TRPC5: variants seen among roughly 807,000 people sequenced by gnomAD.
The protein encoded by TRPC5 is transient receptor potential cation channel subfamily C member 5, also known as short transient receptor potential channel 5.
TRPC5 carries 9 observed loss-of-function variants against 56.5 expected under a neutral mutation model. That is an observed-to-expected ratio of 0.16 (90% CI 0.10 to 0.28). TRPC5 has a LOEUF of 0.28. Among genes scored for constraint, TRPC5 ranks in the 10% least tolerant of loss-of-function variants. TRPC5 has a pLI of 1.00. For synonymous variants in TRPC5, 282 were observed against 278.5 expected, an observed-to-expected ratio of 1.01 and a Z score of -0.13; for missense variants, 469 against 748.9, an observed-to-expected ratio of 0.63 and a Z score of 4.36.
chrX:111,851,878 G>C (rs1923094761), intron 5 of TRPC5, among the ~76,000 whole-genome samples: 1 of 111,714 alleles, frequency 9.0e-6, no homozygotes, highest in South Asian at 3.8e-4. Context: ...GTCACAGAGA[G>C]AATAATATTA....
At chrX:111,912,919 G>T in intron 2 of TRPC5, 107 bp from the exon 3 acceptor site, 2 of 894,093 alleles carry the variant, frequency 2.2e-6, no homozygotes, top group Non-Finnish European at 3.1e-6. Flanking sequence ...CTCCATTCTT[G>T]TTTCAATTCT....
intron 10 of TRPC5, among the ~76,000 whole-genome samples, 172 bp downstream of exon 10, chrX:111,778,813 G>A (rs1945898505): frequency 1.8e-5 from 2 of 111,535 alleles, no homozygotes; most frequent in African/African-American, 6.5e-5. Context: ...ACATACATTG[G>A]TAAAATCTCT....
In TRPC5 at chrX:111,776,261, A is replaced by G; in HGVS notation, c.*52T>C. 9.2e-7 allele frequency: 1 copy of G among 1,083,225 alleles called. No individual in the cohort carries two copies. The highest frequency in any genetic ancestry group is 1.2e-6 in the Non-Finnish European group (1 of 822,092). 89.3% of individuals were successfully genotyped at this position (1,083,225 alleles called of 1,213,427 possible). A position where few individuals can be genotyped will look rare whatever the true frequency, so the allele number is the denominator to read the frequency against. On this transcript the variant is annotated 3_prime_UTR_variant, in exon 11 of 11. Coordinates refer to ENST00000262839, the MANE Select transcript of TRPC5 (RefSeq NM_012471.3). Reference sequence around the variant, plus strand: ...CATATTCTGTGTCACCTCTGAGAGCAAGGAAATTACAGATTTCTGTTGAGT... The same window carrying G: ...CATATTCTGTGTCACCTCTGAGAGCGAGGAAATTACAGATTTCTGTTGAGT...
chrX:111,908,287 A>G (rs994725032), intron 3 of TRPC5, among the ~76,000 whole-genome samples: 1 of 111,640 alleles, frequency 9.0e-6, no homozygotes, highest in Non-Finnish European at 1.9e-5. Flanking sequence ...ATGCCTTTGG[A>G]GTGTAAACTT....
intron 1 of TRPC5, among the ~76,000 whole-genome samples, chrX:112,035,612 GTA>G (rs1247385423): frequency 9.1e-6 from 1 of 109,480 alleles, no homozygotes; most frequent in Non-Finnish European, 1.9e-5. Context: ...TATCTTATGT[GTA>G]TATGTTATTT....
At chrX:111,788,406 A>G (rs1017754657) in intron 7 of TRPC5, among the ~76,000 whole-genome samples, 15 of 111,911 alleles carry the variant, frequency 1.3e-4, no homozygotes, top group African/African-American at 4.9e-4. Flanking sequence ...TATTGATGGA[A>G]TGTATCTCAA....
At chrX:111,777,166 T>G (rs1907286294) in intron 10 of TRPC5, among the ~76,000 whole-genome samples, 164 bp from the exon 11 acceptor site, 2 of 111,723 alleles carry the variant, frequency 1.8e-5, no homozygotes, top group African/African-American at 6.5e-5. Context: ...TATTAATAAT[T>G]CCATGGGCAG....
intron 1 of TRPC5, among the ~76,000 whole-genome samples, chrX:112,034,605 T>G (rs1197241096): frequency 9.1e-6 from 1 of 110,266 alleles, no homozygotes; most frequent in Non-Finnish European, 1.9e-5. Flanking sequence ...TTTTTTTTTT[T>G]ATGTTGAACC....
rs186020263 is a variant in TRPC5, at chrX:111,882,339, A to C, written c.901-28233T>G. 2.6e-4 allele frequency among the ~76,000 whole-genome samples: 29 copies of C among 112,334 alleles called. 1 individual carries two copies. The highest frequency in any genetic ancestry group is 1.7e-3 in the Admixed American group (18 of 10,646). On this transcript the variant is annotated intron_variant, in intron 3 of 10. Transcript: ENST00000262839. ...CTACAAGCAGTCTGTTTCCTGTTGCAGTATGGTAAGGTAGGGGTCTTGTCT... is the reference window on the plus strand; with the variant it reads ...CTACAAGCAGTCTGTTTCCTGTTGCCGTATGGTAAGGTAGGGGTCTTGTCT...
chrX:111,929,788 G>A (rs187138388), intron 2 of TRPC5, among the ~76,000 whole-genome samples: 13 of 112,468 alleles, frequency 1.2e-4, no homozygotes, highest in African/African-American at 3.9e-4. Flanking sequence ...GTGATAAGAC[G>A]TTAAGCTATA....
chrX:111,809,668 G>A (rs1490799973), intron 7 of TRPC5, among the ~76,000 whole-genome samples: 2 of 110,949 alleles, frequency 1.8e-5, no homozygotes, highest in Non-Finnish European at 3.8e-5. Flanking sequence ...TTTTATGAAG[G>A]TGCTTTACGG....
rs1329787738 is a variant in TRPC5, at chrX:111,774,573, A to G, written c.*1740T>C. 9.0e-6 allele frequency: 1 copy of G among 110,994 alleles called. No individual in the cohort carries two copies. The highest frequency in any genetic ancestry group is 1.9e-5 in the Non-Finnish European group (1 of 52,961). The allele number at this position is 110,994 out of a possible 1,213,427, so 9.1% of individuals were successfully genotyped here. The stretch of plus-strand genomic sequence containing the variant: ...GGTCTTGATGCAGCTTTTTCACTTG[A>G]TCACTTTTTCCTGGATATGAGGCTT... On this transcript the variant is annotated 3_prime_UTR_variant, in exon 11 of 11. Coordinates refer to ENST00000262839, the MANE Select transcript of TRPC5 (RefSeq NM_012471.3).
chrX:111,962,882 C>T (rs137954820), intron 1 of TRPC5, among the ~76,000 whole-genome samples: 21 of 112,090 alleles, frequency 1.9e-4, no homozygotes, highest in African/African-American at 6.8e-4. Flanking sequence ...CTCCAGTCTA[C>T]AGCTCCCAAT....
At chrX:112,026,380 T>C (rs1169312913) in intron 1 of TRPC5, among the ~76,000 whole-genome samples, 4 of 112,698 alleles carry the variant, frequency 3.5e-5, no homozygotes, top group African/African-American at 1.3e-4. Flanking sequence ...CTTCATTTCT[T>C]TATATTTTAA....
chrX:111,814,652 A>G (rs753749836), intron 7 of TRPC5, among the ~76,000 whole-genome samples: 1 of 109,338 alleles, frequency 9.1e-6, no homozygotes, highest in South Asian at 4.2e-4. Flanking sequence ...CCTTTTCCCT[A>G]CTGAGCATGT....
intron 7 of TRPC5, among the ~76,000 whole-genome samples, chrX:111,824,883 A>G (rs1922142106): frequency 8.9e-6 from 1 of 111,780 alleles, no homozygotes; most frequent in African/African-American, 3.3e-5. Flanking sequence ...ACCGCCTTTA[A>G]TAAACACTAG....
At chrX:111,902,122 A>G (rs1405413042) in intron 3 of TRPC5, 12 of 1,150,928 alleles carry the variant, frequency 1.0e-5, no homozygotes, top group Admixed American at 2.6e-5. Context: ...AGGCTATGTT[A>G]GACATGGATA....
chrX:111,805,878 G>T (rs998542050), intron 7 of TRPC5, among the ~76,000 whole-genome samples: 1 of 110,148 alleles, frequency 9.1e-6, no homozygotes, highest in Admixed American at 9.7e-5. Flanking sequence ...TTGCTGTGTT[G>T]CCCAGGCTGA....
Position 111,823,061 on chromosome X carries a change from G to A in TRPC5, c.1896+11860C>T, listed in dbSNP as rs766210710. On this transcript the variant is annotated intron_variant, in intron 7 of 10. Coordinates refer to ENST00000262839, the MANE Select transcript of TRPC5 (RefSeq NM_012471.3). ...TTGTCAGTCACCAAAATCATTAGCA[G>A]GTAGAAGCAAGTATCAAAGAATGTT... 6.2e-5 allele frequency among the ~76,000 whole-genome samples: 7 copies of A among 112,288 alleles called. No individual in the cohort carries two copies. The South Asian group carries it at 2.3e-3, about 36-fold the overall frequency.
Sources: gnomAD v4.1 joint callset for allele counts (sites outside exome capture counted in the v4.1 genomes callset) on GRCh38, gnomAD v4.1.1 for gene constraint, MANE v1.5 for transcripts, NCBI Gene and HGNC (gene_info 2026-07-23, HGNC 2026-07-21) for gene names.